The following GPHN variants were observed in gnomAD, a reference collection of about 807,000 sequenced individuals.
The protein encoded by GPHN is gephyrin.
Under a neutral mutation model 95.5 loss-of-function variants are expected in GPHN, and 17 were observed. That is an observed-to-expected ratio of 0.18 (90% confidence interval 0.12 to 0.27). The LOEUF (loss-of-function observed/expected upper bound fraction) is 0.27, where lower values mean the gene tolerates loss of function less well. Among genes scored for constraint, GPHN ranks in the 10% least tolerant of loss-of-function variants. GPHN has a pLI of 1.00. For synonymous variants in GPHN, 320 were observed against 322.5 expected, an observed-to-expected ratio of 0.99 and a Z score of 0.08; for missense variants, 660 against 978.1, an observed-to-expected ratio of 0.67 and a Z score of 4.34.
chr14:67,148,851 C>A (rs1481085705), intron 18 of GPHN, among the ~76,000 whole-genome samples: 1 of 151,216 alleles, frequency 6.6e-6, no homozygotes, highest in Non-Finnish European at 1.5e-5. Flanking sequence ...CAGGCGTGAG[C>A]CACCGCGCCC....
At chr14:67,503,548 T>C in the GPHN span, 1 of 152,208 alleles carries the variant, frequency 6.6e-6, no homozygotes, top group African/African-American at 2.4e-5. Context: ...GGCTGCCCAC[T>C]GCCCTGCGGG....
chr14:67,255,871 G>C, the GPHN span, among the ~76,000 whole-genome samples: 2 of 152,290 alleles, frequency 1.3e-5, no homozygotes, highest in Admixed American at 1.3e-4. Flanking sequence ...ATTTTTAGTA[G>C]AGACGGGGTT....
intron 5 of GPHN, among the ~76,000 whole-genome samples, chr14:66,895,707 T>A (rs2064806485): frequency 6.6e-6 from 1 of 152,112 alleles, no homozygotes. Context: ...GTCATTTTCC[T>A]ACAAACAGAA....
intron 13 of GPHN, among the ~76,000 whole-genome samples, chr14:67,106,792 A>G (rs895792777): frequency 6.6e-6 from 1 of 151,974 alleles, no homozygotes; most frequent in Non-Finnish European, 1.5e-5. Context: ...TAAGATCATT[A>G]TTTTGCAATT....
chr14:66,546,633 G>C (rs532180346), intron 1 of GPHN, among the ~76,000 whole-genome samples: 2 of 152,106 alleles, frequency 1.3e-5, no homozygotes, highest in African/African-American at 2.4e-5. Flanking sequence ...CCAGTCAGGC[G>C]TGGCGGCGCG....
chr14:66,549,689 T>C (rs1022520805), intron 1 of GPHN, among the ~76,000 whole-genome samples: 1 of 152,162 alleles, frequency 6.6e-6, no homozygotes, highest in Non-Finnish European at 1.5e-5. Flanking sequence ...TGAAAGAAGA[T>C]GCCATCTAGT....
intron 1 of GPHN, among the ~76,000 whole-genome samples, chr14:66,535,800 T>C (rs1055986830): frequency 6.6e-6 from 1 of 152,144 alleles, no homozygotes; most frequent in Non-Finnish European, 1.5e-5. Flanking sequence ...TTTTATCTTA[T>C]AAGCAGCAAC....
chr14:66,747,772 T>G (rs1459024257), intron 2 of GPHN, among the ~76,000 whole-genome samples: 1 of 152,148 alleles, frequency 6.6e-6, no homozygotes, highest in Non-Finnish European at 1.5e-5. Context: ...AAATGTGCCT[T>G]AAATGATTAC....
chr14:67,395,538 C>G, the GPHN span: 2 of 1,614,028 alleles, frequency 1.2e-6, no homozygotes, highest in Admixed American at 3.3e-5. Context: ...GAACAGGCCT[C>G]CAGGAAGTAC....
At chr14:67,546,110 T>C in the GPHN span, among the ~76,000 whole-genome samples, 111 of 152,324 alleles carry the variant, frequency 7.3e-4, 1 homozygote, top group African/African-American at 2.5e-3. Context: ...AAGCCACTTA[T>C]TGCCATAAGA....
intron 2 of GPHN, among the ~76,000 whole-genome samples, chr14:66,704,887 G>A (rs1353774479): frequency 6.9e-6 from 1 of 145,676 alleles, no homozygotes; most frequent in African/African-American, 2.7e-5. Flanking sequence ...CTGGTCATTT[G>A]AAAAGATTAA....
chr14:67,672,971 T>C, the GPHN span, among the ~76,000 whole-genome samples: 2 of 152,234 alleles, frequency 1.3e-5, no homozygotes, highest in Non-Finnish European at 2.9e-5. Context: ...TTAAAGGCAT[T>C]TGCAGTGCTA....
the GPHN span, chr14:67,588,918 A>C: frequency 6.6e-6 from 1 of 152,618 alleles, no homozygotes; most frequent in Non-Finnish European, 1.5e-5. Context: ...TGCCTCTTTT[A>C]AATGTACTTG....
intron 1 of GPHN, among the ~76,000 whole-genome samples, chr14:66,673,117 G>A (rs1482128996): frequency 1.3e-5 from 2 of 152,038 alleles, no homozygotes; most frequent in Non-Finnish European, 2.9e-5. Context: ...TTTTGAGACA[G>A]AGTCTGGCTC....
At chr14:66,549,454 T>C (rs767215325) in intron 1 of GPHN, among the ~76,000 whole-genome samples, 12 of 152,150 alleles carry the variant, frequency 7.9e-5, no homozygotes, top group Non-Finnish European at 1.2e-4. Flanking sequence ...TCTGTGAAGG[T>C]CAAGAGTGGT....
At chr14:67,669,388 GCCT>G in the GPHN span, among the ~76,000 whole-genome samples, 20 of 151,054 alleles carry the variant, frequency 1.3e-4, no homozygotes, top group East Asian at 3.9e-3. Context: ...TCCTGCCTCA[GCCT>G]CCTGAGCAGC....
At chr14:67,650,353 T>C in the GPHN span, 1 of 289,970 alleles carries the variant, frequency 3.4e-6, no homozygotes, top group Non-Finnish European at 6.6e-6. Context: ...GGAAGGTTCC[T>C]AGTCATACTG....
At chr14:67,340,539 A>G in the GPHN span, 15 of 1,593,096 alleles carry the variant, frequency 9.4e-6, no homozygotes, top group Non-Finnish European at 1.3e-5. Flanking sequence ...AAAAAAAATA[A>G]TATGTGTGAG....
chr14:66,690,853 C>T (rs2067722697), intron 2 of GPHN, among the ~76,000 whole-genome samples: 1 of 152,150 alleles, frequency 6.6e-6, no homozygotes, highest in African/African-American at 2.4e-5. Flanking sequence ...CTATGAAGGT[C>T]ACATAAGGTT....
Sources: gnomAD v4.1 joint callset for allele counts (sites outside exome capture counted in the v4.1 genomes callset) on GRCh38, gnomAD v4.1.1 for gene constraint, MANE v1.5 for transcripts, NCBI Gene and HGNC (gene_info 2026-07-23, HGNC 2026-07-21) for gene names.